MGAT4C: variants seen among roughly 807,000 people sequenced by gnomAD.
MGAT4C encodes the protein MGAT4 family member C.
Under a neutral mutation model 40.1 loss-of-function variants are expected in MGAT4C, and 19 were observed. The observed-to-expected ratio is 0.47, with a 90% confidence interval of 0.33 to 0.70. MGAT4C has a LOEUF of 0.70. Ranked by LOEUF, MGAT4C falls within the 30% of genes least tolerant of loss-of-function variation. MGAT4C has a pLI of 0.02. For missense variants in MGAT4C, 491 were observed against 563.2 expected (o/e 0.87, Z 1.30); for synonymous variants, 181 against 187.1 (o/e 0.97, Z 0.27).
At chr12:86,007,186 T>C (rs1887971881) in intron 2 of MGAT4C, among the ~76,000 whole-genome samples, 1 of 152,180 alleles carries the variant, frequency 6.6e-6, no homozygotes, top group African/African-American at 2.4e-5. Context: ...TAAAGGATAA[T>C]GTCTTTAGAA....
intron 1 of MGAT4C, among the ~76,000 whole-genome samples, chr12:86,231,109 T>C (rs563653593): frequency 6.6e-6 from 1 of 152,206 alleles, no homozygotes; most frequent in Non-Finnish European, 1.5e-5. Flanking sequence ...TAATCAGACA[T>C]AATGTGTTAG....
chr12:86,428,258 T>C (rs1338087368), intron 3 of MGAT4C, among the ~76,000 whole-genome samples: 1 of 152,206 alleles, frequency 6.6e-6, no homozygotes, highest in Non-Finnish European at 1.5e-5. Context: ...TTTAGGTTAA[T>C]TGCTCAAGTT....
intron 2 of MGAT4C, among the ~76,000 whole-genome samples, chr12:86,648,661 C>T (rs934213252): frequency 4.0e-5 from 6 of 151,870 alleles, no homozygotes; most frequent in African/African-American, 1.5e-4. Flanking sequence ...TGATCTTGAA[C>T]GTCCCGGACT....
rs759471267 is a variant in MGAT4C at position 85,979,444 on chromosome 12, T to C, written c.1282A>G (p.Thr428Ala). The change falls in exon 5 of 5, where the codon ACT becomes GCT. Residue 428 changes from threonine to alanine, a missense_variant. Coordinates refer to ENST00000611864, the MANE Select transcript of MGAT4C (RefSeq NM_001351288.2). ...TTGAATTCTCCTAGTCTTAAGTAAG[T>C]AGAACATTGTCTCCTTTGTTTGCTA... Reference protein sequence around the residue: ...MPSKQRRQCSTYLRLGEFKNG... With the variant: ...MPSKQRRQCSAYLRLGEFKNG... 2 of 1,613,464 alleles carry C rather than the reference T, an allele frequency of 1.2e-6. No individual in the cohort carries two copies. The highest frequency in any genetic ancestry group is 1.1e-5 in the South Asian group (1 of 91,066).
intron 1 of MGAT4C, among the ~76,000 whole-genome samples, chr12:86,778,057 C>A (rs917546387): frequency 6.6e-6 from 1 of 152,136 alleles, no homozygotes; most frequent in Non-Finnish European, 1.5e-5. Flanking sequence ...TGATTCATAT[C>A]TCACCTCCAT....
intron 1 of MGAT4C, among the ~76,000 whole-genome samples, chr12:86,139,066 C>T (rs1457693062): frequency 2.0e-5 from 3 of 152,024 alleles, no homozygotes; most frequent in Admixed American, 6.6e-5. Flanking sequence ...GTTTGCCTCA[C>T]CCTAGAGTAA....
chr12:86,791,955 C>A (rs376158738), intron 1 of MGAT4C, among the ~76,000 whole-genome samples: 2 of 152,136 alleles, frequency 1.3e-5, no homozygotes, highest in African/African-American at 4.8e-5. Context: ...AGAGGGGAGA[C>A]GGGGCAAAAT....
At chr12:86,673,589 G>C (rs1025105358) in intron 2 of MGAT4C, among the ~76,000 whole-genome samples, 3 of 151,980 alleles carry the variant, frequency 2.0e-5, no homozygotes, top group Non-Finnish European at 2.9e-5. Flanking sequence ...AACTAATCGC[G>C]TAATTTTGCT....
chr12:86,497,874 T>C (rs530562568), intron 2 of MGAT4C, among the ~76,000 whole-genome samples: 43 of 138,916 alleles, frequency 3.1e-4, no homozygotes, highest in African/African-American at 1.1e-3. Flanking sequence ...AGATTGCTAA[T>C]TTTCTCATGA....
At chr12:86,011,909 A>C (rs1888496786) in intron 2 of MGAT4C, 1 of 963,486 alleles carries the variant, frequency 1.0e-6, no homozygotes. Flanking sequence ...CTGCCTGAAA[A>C]TAGCAATCAC....
intron 1 of MGAT4C, among the ~76,000 whole-genome samples, chr12:86,079,637 A>C (rs573827013): frequency 6.6e-6 from 1 of 152,256 alleles, no homozygotes; most frequent in South Asian, 2.1e-4. Flanking sequence ...ATTTCCCTGG[A>C]AAATTACCCT....
intron 3 of MGAT4C, among the ~76,000 whole-genome samples, chr12:86,334,362 A>C (rs985036167): frequency 8.5e-5 from 13 of 152,172 alleles, no homozygotes; most frequent in Admixed American, 5.2e-4. Context: ...GGCTATGGTC[A>C]GTTAATGAAA....
intron 4 of MGAT4C, among the ~76,000 whole-genome samples, chr12:86,312,419 C>T (rs370793673): frequency 1.3e-5 from 2 of 152,188 alleles, no homozygotes; most frequent in African/African-American, 2.4e-5. Context: ...TTAGTTTTCT[C>T]GCACATATAA....
At chr12:86,116,246 G>T (rs959891335) in intron 1 of MGAT4C, among the ~76,000 whole-genome samples, 29 of 151,840 alleles carry the variant, frequency 1.9e-4, no homozygotes, top group South Asian at 1.7e-3. Flanking sequence ...GGTAGAAGTC[G>T]GGCATAATCT....
At chr12:86,259,379 C>A (rs1057350358), upstream of MGAT4C, among the ~76,000 whole-genome samples, 1 of 151,886 alleles carries the variant, frequency 6.6e-6, no homozygotes, top group Non-Finnish European at 1.5e-5. Flanking sequence ...AGACACGTAA[C>A]TGTTTTCTAC....
intron 2 of MGAT4C, among the ~76,000 whole-genome samples, chr12:86,482,102 A>ACACACACC (rs59483745): frequency 6.7e-6 from 1 of 149,718 alleles, no homozygotes; most frequent in Admixed American, 6.7e-5. Context: ...ACACACACAC[A>ACACACACC]AGCAAGTCTT....
At chr12:86,049,434 C>T (rs969446273) in intron 2 of MGAT4C, among the ~76,000 whole-genome samples, 2 of 151,792 alleles carry the variant, frequency 1.3e-5, no homozygotes, top group Admixed American at 1.3e-4. Context: ...AACACATTTC[C>T]AAGTTTTAAT....
At chr12:86,141,593 T>G (rs1882844030) in intron 1 of MGAT4C, among the ~76,000 whole-genome samples, 1 of 152,196 alleles carries the variant, frequency 6.6e-6, no homozygotes, top group African/African-American at 2.4e-5. Context: ...GAACACTTTC[T>G]ATTAGCTGTA....
intron 2 of MGAT4C, among the ~76,000 whole-genome samples, chr12:86,486,555 T>C (rs1345526577): frequency 1.3e-5 from 2 of 152,136 alleles, no homozygotes; most frequent in African/African-American, 4.8e-5. Flanking sequence ...GCACCCAGCA[T>C]TGGTGTACCC....
Sources: gnomAD v4.1 joint callset for allele counts (sites outside exome capture counted in the v4.1 genomes callset) on GRCh38, gnomAD v4.1.1 for gene constraint, MANE v1.5 for transcripts, NCBI Gene and HGNC (gene_info 2026-07-23, HGNC 2026-07-21) for gene names.